Variants in SLC12A8 observed in about 807,000 individuals in gnomAD.
SLC12A8 encodes cation-chloride cotransporter 9.
Under a neutral mutation model 75.6 loss-of-function variants are expected in SLC12A8, and 69 were observed. The observed-to-expected ratio is 0.91, with a 90% confidence interval of 0.75 to 1.11. The LOEUF (loss-of-function observed/expected upper bound fraction) is 1.11. Ranked by LOEUF, SLC12A8 falls within the 50% of genes most tolerant of loss-of-function variation. The pLI, the probability that SLC12A8 is intolerant of heterozygous loss-of-function variation, is 0.00. For missense variants in SLC12A8, 877 were observed against 896.7 expected (o/e 0.98, Z 0.28); for synonymous variants, 365 against 372.8 (o/e 0.98, Z 0.24).
At chr3:125,127,644 A>G (rs974138164) in intron 6 of SLC12A8, among the ~76,000 whole-genome samples, 1 of 152,226 alleles carries the variant, frequency 6.6e-6, no homozygotes, top group African/African-American at 2.4e-5. Flanking sequence ...GGCTTCAACC[A>G]CTTCATGGCA....
Position 125,108,031 on chromosome 3 carries a change from G to A in SLC12A8, c.1155C>T (p.Pro385=). 1.2e-6 allele frequency: 2 copies of A among 1,614,182 alleles called. No individual in the cohort carries two copies. Among genetic ancestry groups the A allele is most frequent in the South Asian group, 2.2e-5 (2 of 91,072 alleles). ...TCAGCATGAAGTTGATGGTGACGAT[G>A]GGGGCCAGAACGTTCACTTGACCCA... The part of the protein sequence containing the change: ...VFVGQVNVLA[P]IVTINFMLTY... Residue 385 remains proline (P), a synonymous_variant, in exon 10 of 14, where the codon CCC becomes CCT. Transcript: ENST00000469902.
chr3:125,161,144 T>C (rs1391512246), intron 5 of SLC12A8, among the ~76,000 whole-genome samples: 1 of 152,208 alleles, frequency 6.6e-6, no homozygotes, highest in Non-Finnish European at 1.5e-5. Flanking sequence ...CTCATAACAA[T>C]GTTATCATTT....
At chr3:125,125,363 G>A (rs944506937) in intron 6 of SLC12A8, among the ~76,000 whole-genome samples, 1 of 152,086 alleles carries the variant, frequency 6.6e-6, no homozygotes, top group Non-Finnish European at 1.5e-5. Flanking sequence ...TTGGAGACCA[G>A]CCTGACCAAC....
intron 8 of SLC12A8, among the ~76,000 whole-genome samples, chr3:125,111,671 A>C (rs1012395966): frequency 6.6e-6 from 1 of 152,180 alleles, no homozygotes; most frequent in Non-Finnish European, 1.5e-5. Flanking sequence ...TCAGCAAAGC[A>C]CCGGATTCGT....
chr3:125,091,451 C>T lies in SLC12A8; in HGVS notation c.1909G>A (p.Gly637Arg), dbSNP rs201636734. Reference sequence around the variant, plus strand: ...CTCTGCTGCTTACCAAGGTGAAGCCCTGGACTGGCCCGGCCAATGTAGAAA... The same window carrying T: ...CTCTGCTGCTTACCAAGGTGAAGCCTTGGACTGGCCCGGCCAATGTAGAAA... ...VYFYIGRASPGLHLGSASNFS... is the reference protein window; with the variant it reads ...VYFYIGRASPRLHLGSASNFS... Residue 637 changes from glycine to arginine, a missense_variant, in exon 12 of 14, where the codon GGG (glycine) becomes AGG (arginine). Transcript: ENST00000469902. 1 of 1,613,216 alleles carries T rather than the reference C, an allele frequency of 6.2e-7. No individual in the cohort carries two copies. The highest frequency in any genetic ancestry group is 1.3e-5 in the African/African-American group (1 of 74,994).
intron 5 of SLC12A8, among the ~76,000 whole-genome samples, chr3:125,141,532 C>T (rs1933636941): frequency 6.6e-6 from 1 of 152,214 alleles, no homozygotes; most frequent in African/African-American, 2.4e-5. Context: ...GCGGTGCCCC[C>T]GACATCCCCT....
At chr3:125,189,065 C>T (rs1934856411) in intron 3 of SLC12A8, among the ~76,000 whole-genome samples, 1 of 152,216 alleles carries the variant, frequency 6.6e-6, no homozygotes, top group Non-Finnish European at 1.5e-5. Flanking sequence ...CTAAATGTTG[C>T]TGTAAAGGTG....
chr3:125,092,194 GA>G lies in SLC12A8; in HGVS notation c.1709del (p.Phe570SerfsTer3). Reference sequence around the variant, plus strand: ...GTTCTTGGAGCCTGGACTTCAGGAAGAAATCTAAAAAATAGCCAAAGATTTG... The same window carrying G: ...GTTCTTGGAGCCTGGACTTCAGGAAGAATCTAAAAAATAGCCAAAGATTTG... ...CNQSESSGED[F>X]FLKSRLQEQD... On this transcript the variant is annotated frameshift_variant, in exon 11 of 14. Coordinates refer to ENST00000469902, the MANE Select transcript of SLC12A8 (RefSeq NM_024628.6). LOFTEE classifies it high-confidence loss of function. 6.2e-7 allele frequency: 1 copy of G among 1,611,152 alleles called. No individual in the cohort carries two copies. Among genetic ancestry groups the G allele is most frequent in the Non-Finnish European group, 8.5e-7 (1 of 1,177,818 alleles).
At chr3:125,170,731 G>A (rs559952738) in intron 5 of SLC12A8, among the ~76,000 whole-genome samples, 5 of 152,234 alleles carry the variant, frequency 3.3e-5, no homozygotes, top group African/African-American at 7.2e-5. Flanking sequence ...TGGCTAACAC[G>A]GTGAAATCCC....
At chr3:125,165,668 G>T (rs760034790) in intron 5 of SLC12A8, among the ~76,000 whole-genome samples, 1 of 152,220 alleles carries the variant, frequency 6.6e-6, no homozygotes, top group Admixed American at 6.5e-5. Flanking sequence ...ATCCTCACCC[G>T]TCCGGGCAGA....
chr3:125,135,876 A>G, intron 5 of SLC12A8, 94 bp from the exon 6 acceptor site: 3 of 699,322 alleles, frequency 4.3e-6, no homozygotes, highest in Non-Finnish European at 7.0e-6. Context: ...ATCGCTTTAA[A>G]TATTGGAAAG....
chr3:125,116,831 C>G (rs931145004), intron 8 of SLC12A8, among the ~76,000 whole-genome samples: 1 of 152,226 alleles, frequency 6.6e-6, no homozygotes, highest in African/African-American at 2.4e-5. Context: ...CTCGGTCAAA[C>G]CAGCCTCACC....
chr3:125,116,139 G>A lies in SLC12A8; in HGVS notation c.912+2630C>T, dbSNP rs528600013. ...GCAGGAAAGCAGAAAAGGTGTGGGA[G>A]GAAACTCCTGTGTGGTCCCCTTTAG... On this transcript the variant is annotated intron_variant, in intron 8 of 13. Transcript: ENST00000469902. Among the ~76,000 whole-genome samples, 363 of 152,320 alleles carry A rather than the reference G, an allele frequency of 2.4e-3. 4 individuals are homozygous for A. Among genetic ancestry groups the A allele is most frequent in the African/African-American group, 8.5e-3 (354 of 41,570 alleles).
intron 2 of SLC12A8, among the ~76,000 whole-genome samples, chr3:125,209,384 T>C (rs1300879031): frequency 6.6e-6 from 1 of 152,234 alleles, no homozygotes; most frequent in Non-Finnish European, 1.5e-5. Flanking sequence ...TAATGCATAT[T>C]AAGTGCTCAG....
chr3:125,137,976 C>G (rs1292179444), intron 5 of SLC12A8, among the ~76,000 whole-genome samples: 1 of 151,914 alleles, frequency 6.6e-6, no homozygotes, highest in Non-Finnish European at 1.5e-5. Context: ...CACACTCACA[C>G]TACTGCTGGC....
intron 5 of SLC12A8, among the ~76,000 whole-genome samples, chr3:125,157,116 T>C (rs1465568875): frequency 1.3e-5 from 2 of 150,944 alleles, no homozygotes; most frequent in Admixed American, 6.6e-5. Context: ...GTGAGCTCAA[T>C]TATGCTTTAA....
chr3:125,149,189 A>T (rs776075457), intron 5 of SLC12A8, among the ~76,000 whole-genome samples: 1 of 152,188 alleles, frequency 6.6e-6, no homozygotes, highest in Admixed American at 6.5e-5. Flanking sequence ...GAGTGGGAGC[A>T]GACTCGGGGG....
intron 6 of SLC12A8, 66 bp downstream of exon 6, chr3:125,135,603 C>A (rs1579496035): frequency 3.9e-6 from 4 of 1,030,958 alleles, no homozygotes; most frequent in Non-Finnish European, 4.2e-6. Flanking sequence ...AATGATGATG[C>A]TGAATTTTGG....
intron 4 of SLC12A8, among the ~76,000 whole-genome samples, chr3:125,179,842 T>A (rs1934616505): frequency 6.6e-6 from 1 of 152,228 alleles, no homozygotes; most frequent in Non-Finnish European, 1.5e-5. Flanking sequence ...ATTTCATCAG[T>A]ATTTGGCCAG....
Sources: allele counts gnomAD v4.1 joint callset (sites outside exome capture counted in the v4.1 genomes callset), GRCh38; gene constraint gnomAD v4.1.1; transcripts MANE v1.5; gene names NCBI Gene and HGNC (gene_info 2026-07-23, HGNC 2026-07-21).